The following SLC12A6 variants were observed in gnomAD, a reference collection of about 807,000 sequenced individuals.
SLC12A6 encodes K-Cl cotransporter 3.
Under a neutral mutation model 135.3 loss-of-function variants are expected in SLC12A6, and 66 were observed. The ratio of observed to expected loss-of-function variants is 0.49; its 90% confidence interval spans 0.40 to 0.60. The LOEUF is 0.60. Among genes scored for constraint, SLC12A6 ranks in the 20% least tolerant of loss-of-function variants. The probability of loss-of-function intolerance (pLI) is 0.00; values close to 1 mark genes in which losing one functional copy is unlikely to be tolerated. For missense variants in SLC12A6, 1,058 were observed against 1,452.3 expected (o/e 0.73, Z 4.41); for synonymous variants, 513 against 508.8 (o/e 1.01, Z -0.11).
At chr15:34,245,964 A>C in intron 13 of SLC12A6, 97 bp from the exon 14 acceptor site, 1 of 906,116 alleles carries the variant, frequency 1.1e-6, no homozygotes, top group Non-Finnish European at 1.8e-6. Flanking sequence ...ACAGAATCTC[A>C]CTCTGTCACC....
chr15:34,244,045 T>A lies in SLC12A6; in HGVS notation c.1971A>T (p.Val657=). ...SMFFLMCYLF[V]NLACALQTLL... ...ATGTTTGCAAGGCACATGCCAAGTT[T>A]ACAAAGAGGTAACACATGAGAAAAA... Residue 657 remains valine, a synonymous_variant, in exon 16 of 26, where the codon GTA becomes GTT. Coordinates refer to ENST00000354181, the MANE Select transcript of SLC12A6 (RefSeq NM_001365088.1). 1 of 1,604,410 alleles carries A rather than the reference T, an allele frequency of 6.2e-7. No individual in the cohort carries two copies. Among genetic ancestry groups the A allele is most frequent in the South Asian group, 1.1e-5 (1 of 90,892 alleles).
chr15:34,300,159 G>A (rs965490415), intron 2 of SLC12A6, among the ~76,000 whole-genome samples: 2 of 152,158 alleles, frequency 1.3e-5, no homozygotes, highest in African/African-American at 2.4e-5. Context: ...TAGAGCACAG[G>A]TGTATGGATC....
At chr15:34,335,978 A>T (rs1890170123) in intron 2 of SLC12A6, among the ~76,000 whole-genome samples, 1 of 152,212 alleles carries the variant, frequency 6.6e-6, no homozygotes, top group African/African-American at 2.4e-5. Flanking sequence ...AGCTGCTAAG[A>T]TACGACCAGT....
At chr15:34,304,308 CATTT>C (rs1159141321) in intron 2 of SLC12A6, among the ~76,000 whole-genome samples, 8 of 152,078 alleles carry the variant, frequency 5.3e-5, no homozygotes, top group Non-Finnish European at 1.0e-4. Flanking sequence ...TTTATCTATT[CATTT>C]GTCAGCTGGA....
chr15:34,254,227 C>A, intron 9 of SLC12A6, 121 bp downstream of exon 9: 2 of 1,040,066 alleles, frequency 1.9e-6, no homozygotes, highest in Non-Finnish European at 3.0e-6. Context: ...TCTAACTGGG[C>A]TTATCTGAGA....
chr15:34,260,689 A>G (rs1052230840), intron 4 of SLC12A6, among the ~76,000 whole-genome samples: 1 of 152,244 alleles, frequency 6.6e-6, no homozygotes, highest in Non-Finnish European at 1.5e-5. Flanking sequence ...TTGCAAGGTA[A>G]TCTATATGTC....
chr15:34,319,334 G>T (rs1232734579), intron 2 of SLC12A6, among the ~76,000 whole-genome samples: 1 of 151,188 alleles, frequency 6.6e-6, no homozygotes, highest in Non-Finnish European at 1.5e-5. Context: ...AGAGACGGGG[G>T]TCTCACCACG....
At chr15:34,257,531 C>G in intron 6 of SLC12A6, 111 bp downstream of exon 6, 1 of 831,972 alleles carries the variant, frequency 1.2e-6, no homozygotes, top group Non-Finnish European at 2.1e-6. Context: ...CTGTTGAGAT[C>G]ATGAGTCCTT....
chr15:34,273,527 C>CA (rs756276822), intron 3 of SLC12A6, among the ~76,000 whole-genome samples: 2 of 152,178 alleles, frequency 1.3e-5, no homozygotes, highest in Non-Finnish European at 2.9e-5. Flanking sequence ...GCTATGGTCT[C>CA]ATAAACTCTT....
Position 34,236,785 on chromosome 15 carries a change from C to T in SLC12A6, c.2965G>A (p.Glu989Lys), listed in dbSNP as rs1205090244. The T allele has an allele frequency of 2.5e-6, 4 of 1,611,410 alleles. No individual in the cohort carries two copies. The highest frequency in any genetic ancestry group is 2.5e-6 in the Non-Finnish European group (3 of 1,177,572). Residue 989 changes from glutamate (E) to lysine (K), a missense_variant, in exon 23 of 26, where the codon GAG becomes AAG. Physicochemically the swap from Glu to Lys is moderately conservative, Grantham distance 56. Coordinates refer to ENST00000354181, the MANE Select transcript of SLC12A6 (RefSeq NM_001365088.1). ...CTTTGTTCCATCATCAAAGTGCGCT[C>T]GTAAGTATATGCTGATATATCACTG... ...HDSDISAYTY[E>K]RTLMMEQRSQ...
chr15:34,265,942 C>G (rs1448703770), intron 3 of SLC12A6, among the ~76,000 whole-genome samples: 2 of 150,086 alleles, frequency 1.3e-5, no homozygotes, highest in African/African-American at 2.5e-5. Flanking sequence ...GATAGATTTT[C>G]CAAAGGAGAG....
chr15:34,236,633 T>C lies in SLC12A6; in HGVS notation c.3042+75A>G, dbSNP rs531420877. 198 of 949,362 alleles carry C rather than the reference T, an allele frequency of 2.1e-4. 1 individual carries two copies. In the South Asian group the frequency reaches 2.4e-3, roughly 11 times the overall value. The allele number at this position is 949,362 out of a possible 1,614,324, so 58.8% of individuals were successfully genotyped here. A position where few individuals can be genotyped will look rare whatever the true frequency, so the allele number is the denominator to read the frequency against. On this transcript the variant is annotated intron_variant, in intron 23 of 25. Coordinates refer to ENST00000354181, the MANE Select transcript of SLC12A6 (RefSeq NM_001365088.1). ...CTGGGATTACAGGCGTGAGCCACCATGCCCAGCCCAGTATCATCCCTTTCA... is the reference window on the plus strand; with the variant it reads ...CTGGGATTACAGGCGTGAGCCACCACGCCCAGCCCAGTATCATCCCTTTCA...
At chr15:34,238,829 A>G (rs1230591531) in intron 20 of SLC12A6, 136 bp downstream of exon 20, 11 of 805,922 alleles carry the variant, frequency 1.4e-5, no homozygotes, top group East Asian at 4.8e-5. Context: ...ATTACTACCA[A>G]TAGTTTTTCA....
chr15:34,254,306 A>G (rs1892595750), intron 9 of SLC12A6, 42 bp downstream of exon 9: 2 of 1,576,380 alleles, frequency 1.3e-6, no homozygotes, highest in Non-Finnish European at 1.7e-6. Flanking sequence ...ATTTTCAATT[A>G]CTACCCAATA....
intron 3 of SLC12A6, among the ~76,000 whole-genome samples, chr15:34,274,798 C>T (rs1894188993): frequency 6.6e-6 from 1 of 151,318 alleles, no homozygotes; most frequent in African/African-American, 2.4e-5. Context: ...GGTGACAGAG[C>T]GAGACACTGT....
intron 2 of SLC12A6, among the ~76,000 whole-genome samples, chr15:34,327,873 T>C (rs1270167229): frequency 6.6e-6 from 1 of 152,192 alleles, no homozygotes; most frequent in African/African-American, 2.4e-5. Context: ...TAGACCTGTC[T>C]GGTAAAATGA....
chr15:34,297,108 A>T (rs956214553), intron 2 of SLC12A6, among the ~76,000 whole-genome samples: 1 of 152,320 alleles, frequency 6.6e-6, no homozygotes, highest in Non-Finnish European at 1.5e-5. Context: ...TATCATTTTT[A>T]AAAATGTTTG....
At chr15:34,240,343 C>T (rs1266090714) in intron 19 of SLC12A6, among the ~76,000 whole-genome samples, 1 of 151,960 alleles carries the variant, frequency 6.6e-6, no homozygotes, top group Non-Finnish European at 1.5e-5. Flanking sequence ...TGAGAGGAAC[C>T]CTCTCCATAG....
intron 13 of SLC12A6, among the ~76,000 whole-genome samples, chr15:34,246,161 G>T (rs1273713319): frequency 2.6e-5 from 4 of 152,102 alleles, no homozygotes; most frequent in Non-Finnish European, 4.4e-5. Context: ...TCGAACTCTT[G>T]GCCTCAAGTG....
Sources: allele counts gnomAD v4.1 joint callset (sites outside exome capture counted in the v4.1 genomes callset), GRCh38; gene constraint gnomAD v4.1.1; transcripts MANE v1.5; gene names NCBI Gene and HGNC (gene_info 2026-07-23, HGNC 2026-07-21).